The following HS3ST4 variants were observed in gnomAD, a reference collection of about 807,000 sequenced individuals.
HS3ST4 encodes the protein heparan sulfate-glucosamine 3-sulfotransferase 4.
A neutral mutation model predicts 29.2 loss-of-function variants in HS3ST4; 17 were observed. The ratio of observed to expected loss-of-function variants is 0.58; its 90% CI spans 0.40 to 0.87. HS3ST4 has a LOEUF of 0.87. Among genes scored for constraint, HS3ST4 ranks in the 40% least tolerant of loss-of-function variants. The probability of loss-of-function intolerance (pLI) is 0.00; values close to 1 mark genes in which losing one functional copy is unlikely to be tolerated. For synonymous variants in HS3ST4, 314 were observed against 285.7 expected (o/e 1.10, Z -1.00); for missense variants, 627 against 634.5 (o/e 0.99, Z 0.13).
intron 1 of HS3ST4, among the ~76,000 whole-genome samples, chr16:26,079,535 T>C (rs1055611312): frequency 2.6e-5 from 4 of 152,228 alleles, no homozygotes; most frequent in African/African-American, 9.7e-5. Context: ...TTGTATGCAT[T>C]ATGCCATTTA....
intron 1 of HS3ST4, among the ~76,000 whole-genome samples, chr16:25,769,343 C>T (rs148985316): frequency 6.6e-6 from 1 of 152,186 alleles, no homozygotes; most frequent in African/African-American, 2.4e-5. Context: ...TCTCTCTTTC[C>T]CACTACACAG....
intron 1 of HS3ST4, among the ~76,000 whole-genome samples, chr16:26,107,351 A>AACAC (rs144609224): frequency 0.026 from 3,956 of 149,480 alleles, 175 homozygotes; most frequent in African/African-American, 0.089. Flanking sequence ...TTGGCATACA[A>AACAC]ACACACACAC....
At chr16:25,852,011 A>T (rs1967526939) in intron 1 of HS3ST4, among the ~76,000 whole-genome samples, 1 of 152,132 alleles carries the variant, frequency 6.6e-6, no homozygotes, top group South Asian at 2.1e-4. Flanking sequence ...ATACCATCTG[A>T]TTTTATAGAT....
At chr16:25,820,926 C>T (rs1316095801) in intron 1 of HS3ST4, among the ~76,000 whole-genome samples, 1 of 151,808 alleles carries the variant, frequency 6.6e-6, no homozygotes, top group African/African-American at 2.4e-5. Flanking sequence ...AGGACCAAGT[C>T]GAATAAGTGG....
At chr16:25,734,289 A>G (rs375467936) in intron 1 of HS3ST4, among the ~76,000 whole-genome samples, 1 of 152,328 alleles carries the variant, frequency 6.6e-6, no homozygotes, top group South Asian at 2.1e-4. Flanking sequence ...TTACATTGCC[A>G]CAAGTATGTA....
At chr16:25,969,521 C>T (rs560727580) in intron 1 of HS3ST4, among the ~76,000 whole-genome samples, 78 of 152,332 alleles carry the variant, frequency 5.1e-4, no homozygotes, top group African/African-American at 1.3e-3. Flanking sequence ...GTGAACATCA[C>T]GGCATTGTGG....
chr16:25,844,955 C>G (rs1174189715), intron 1 of HS3ST4, among the ~76,000 whole-genome samples: 2 of 152,056 alleles, frequency 1.3e-5, no homozygotes, highest in Non-Finnish European at 1.5e-5. Context: ...GAACAGAAAC[C>G]CAAACACTGC....
chr16:26,060,527 C>T (rs1180416867), intron 1 of HS3ST4, among the ~76,000 whole-genome samples: 1 of 152,114 alleles, frequency 6.6e-6, no homozygotes, highest in Non-Finnish European at 1.5e-5. Context: ...TTTCACTGCC[C>T]TCTACTTGGT....
intron 1 of HS3ST4, among the ~76,000 whole-genome samples, chr16:25,992,285 C>T (rs971470474): frequency 2.6e-5 from 4 of 152,224 alleles, no homozygotes; most frequent in African/African-American, 9.6e-5. Context: ...AAGATGAAAC[C>T]GATTTAGACC....
intron 1 of HS3ST4, among the ~76,000 whole-genome samples, chr16:25,738,126 G>C (rs1323300589): frequency 6.6e-6 from 1 of 151,924 alleles, no homozygotes; most frequent in African/African-American, 2.4e-5. Context: ...GGATGGTCTC[G>C]ATTTCCTGAC....
At chr16:25,762,895 A>AAG (rs1555464559) in intron 1 of HS3ST4, among the ~76,000 whole-genome samples, 19 of 147,520 alleles carry the variant, frequency 1.3e-4, no homozygotes, top group East Asian at 1.2e-3. Flanking sequence ...AAAAAAAAAA[A>AAG]AAAAGAAAAA....
intron 1 of HS3ST4, among the ~76,000 whole-genome samples, chr16:25,810,667 T>A (rs1248488665): frequency 2.0e-5 from 3 of 152,256 alleles, no homozygotes; most frequent in Non-Finnish European, 4.4e-5. Flanking sequence ...TTTATATTGC[T>A]AATGCAGTGC....
chr16:25,848,487 C>G (rs572545423), intron 1 of HS3ST4, among the ~76,000 whole-genome samples: 5 of 151,834 alleles, frequency 3.3e-5, no homozygotes, highest in Admixed American at 6.6e-5. Flanking sequence ...TTTCTAAGCC[C>G]TTTTTGAGTT....
At chr16:25,883,462 T>G (rs1356847433) in intron 1 of HS3ST4, among the ~76,000 whole-genome samples, 1 of 152,132 alleles carries the variant, frequency 6.6e-6, no homozygotes, top group African/African-American at 2.4e-5. Flanking sequence ...AGGAAGTACC[T>G]AAAACCAAAA....
chr16:26,069,955 A>G (rs1007060613), intron 1 of HS3ST4, among the ~76,000 whole-genome samples: 25 of 152,004 alleles, frequency 1.6e-4, no homozygotes, highest in African/African-American at 4.8e-4. Context: ...CCAGGCTATC[A>G]TTGTTGGACA....
At chr16:25,897,811 G>C (rs1968084458) in intron 1 of HS3ST4, among the ~76,000 whole-genome samples, 1 of 152,086 alleles carries the variant, frequency 6.6e-6, no homozygotes. Flanking sequence ...TTTAGAGCAA[G>C]GTTTCAAATC....
At chr16:26,013,583 A>G (rs1411514456) in intron 1 of HS3ST4, among the ~76,000 whole-genome samples, 1 of 152,196 alleles carries the variant, frequency 6.6e-6, no homozygotes, top group Non-Finnish European at 1.5e-5. Context: ...CATCAATTTC[A>G]TAGGCTTCAT....
intron 1 of HS3ST4, among the ~76,000 whole-genome samples, chr16:26,051,700 T>C (rs1898347750): frequency 6.6e-6 from 1 of 150,492 alleles, no homozygotes; most frequent in African/African-American, 2.4e-5. Context: ...CTCCCTCTCT[T>C]TTGGTCTTTC....
chr16:25,928,124 T>A (rs1172146767), intron 1 of HS3ST4, among the ~76,000 whole-genome samples: 2 of 148,724 alleles, frequency 1.3e-5, no homozygotes, highest in African/African-American at 5.0e-5. Context: ...TGCACCTGGA[T>A]GTTCGAGGCT....
Sources: allele counts gnomAD v4.1 joint callset (sites outside exome capture counted in the v4.1 genomes callset), GRCh38; gene constraint gnomAD v4.1.1; transcripts MANE v1.5; gene names NCBI Gene and HGNC (gene_info 2026-07-23, HGNC 2026-07-21).